The following STS variants were observed in gnomAD, a reference collection of about 807,000 sequenced individuals.
The protein encoded by STS is steryl-sulfatase.
In STS, 7 loss-of-function variants were observed where a neutral mutation model predicts 26.8. The observed-to-expected ratio is 0.26, with a 90% CI of 0.15 to 0.49. The LOEUF is 0.49. Ranked by LOEUF, STS falls within the 20% of genes least tolerant of loss-of-function variation. The pLI is 0.98. For synonymous variants in STS, 199 were observed against 189.4 expected (o/e 1.05, Z -0.42); for missense variants, 434 against 465.6 (o/e 0.93, Z 0.63).
intron 8 of STS, among the ~76,000 whole-genome samples, chrX:7,323,516 G>T (rs1484192377): frequency 9.0e-6 from 1 of 111,225 alleles, no homozygotes; most frequent in Admixed American, 9.6e-5. Context: ...TAGGATAATG[G>T]CCTCTAGCTA....
intron 2 of STS, among the ~76,000 whole-genome samples, chrX:7,231,055 T>C (rs1922037505): frequency 8.9e-6 from 1 of 111,947 alleles, no homozygotes; most frequent in African/African-American, 3.3e-5. Flanking sequence ...TGAATGCTCA[T>C]AGTGGCATTA....
chrX:7,350,611 A>AG lies in STS; in HGVS notation c.*352dup, dbSNP rs1456201395. On this transcript the variant is annotated 3_prime_UTR_variant, in exon 11 of 11. Coordinates refer to ENST00000674429, the MANE Select transcript of STS (RefSeq NM_001320752.2). ...CAATCTTAAAACAGAAAGGTGCAGG[A>AG]GGTACCTTAACTCACCCCTCAGCAA... The AG allele has an allele frequency of 4.1e-6, 1 of 241,125 alleles. No homozygotes were observed. The highest frequency in any genetic ancestry group is 7.9e-5 in the East Asian group (1 of 12,686). 19.9% of individuals were successfully genotyped at this position (241,125 alleles called of 1,213,427 possible). A position where few individuals can be genotyped will look rare whatever the true frequency, so the allele number is the denominator to read the frequency against.
chrX:7,173,117 G>A (rs1933499215), intron 1 of STS, among the ~76,000 whole-genome samples: 1 of 110,579 alleles, frequency 9.0e-6, no homozygotes, highest in Admixed American at 9.7e-5. Context: ...AGGCCCCAGT[G>A]TGTGTTGTTT....
At chrX:7,296,605 A>T (rs1196667899) in intron 7 of STS, among the ~76,000 whole-genome samples, 4 of 112,191 alleles carry the variant, frequency 3.6e-5, no homozygotes, top group African/African-American at 1.3e-4. Flanking sequence ...AGGTACAATG[A>T]CTTTGTTCTT....
chrX:7,349,918 C>G lies in STS; in HGVS notation c.1394C>G (p.Thr465Ser). ...STSIWKAFFFTPNFNPVGSNG... is the reference protein window; with the variant it reads ...STSIWKAFFFSPNFNPVGSNG... ...TCCATCTGGAAGGCCTTTTTCTTCA[C>G]CCCCAACTTCAACCCCGTGGGTTCC... Residue 465 changes from threonine to serine, a missense_variant, in exon 11 of 11, where the codon ACC (threonine) becomes AGC (serine). Coordinates refer to ENST00000674429, the MANE Select transcript of STS (RefSeq NM_001320752.2). 1 of 1,211,850 alleles carries G rather than the reference C, an allele frequency of 8.3e-7. No homozygotes were observed. The highest frequency in any genetic ancestry group is 1.1e-6 in the Non-Finnish European group (1 of 895,458).
At chrX:7,192,029 A>G (rs189477045) in intron 2 of STS, among the ~76,000 whole-genome samples, 1 of 112,590 alleles carries the variant, frequency 8.9e-6, no homozygotes, top group East Asian at 2.8e-4. Context: ...GCACTATGCT[A>G]TCAGAACACC....
At chrX:7,239,819 G>A (rs1922502666) in intron 2 of STS, among the ~76,000 whole-genome samples, 2 of 108,189 alleles carry the variant, frequency 1.8e-5, no homozygotes, top group South Asian at 7.9e-4. Context: ...TTGTAGGAAA[G>A]AAAAAGCAAA....
At chrX:7,205,026 CTGTTGCCTGT>C (rs1206887900) in intron 2 of STS, among the ~76,000 whole-genome samples, 15 of 112,013 alleles carry the variant, frequency 1.3e-4, no homozygotes, top group Non-Finnish European at 2.4e-4. Context: ...CCAGGTGCTT[CTGTTGCCTGT>C]TGTTGTACAC....
chrX:7,307,030 A>G (rs960375565), intron 8 of STS, among the ~76,000 whole-genome samples: 1 of 111,226 alleles, frequency 9.0e-6, no homozygotes, highest in Middle Eastern at 4.6e-3. Flanking sequence ...CTGAGCACCC[A>G]TGGGCAGGAA....
chrX:7,220,169 A>G (rs2147048692), intron 2 of STS, among the ~76,000 whole-genome samples: 1 of 111,661 alleles, frequency 9.0e-6, no homozygotes, highest in South Asian at 3.8e-4. Flanking sequence ...TATGTATCTC[A>G]GATGACGAGT....
intron 2 of STS, among the ~76,000 whole-genome samples, chrX:7,215,646 G>A (rs1413806499): frequency 1.8e-5 from 2 of 111,315 alleles, no homozygotes; most frequent in African/African-American, 6.5e-5. Context: ...CTTTTCTGTT[G>A]TCCTGGTTGT....
At chrX:7,333,088 C>G (rs1187120362) in intron 9 of STS, among the ~76,000 whole-genome samples, 1 of 112,095 alleles carries the variant, frequency 8.9e-6, no homozygotes, top group African/African-American at 3.2e-5. Flanking sequence ...CGCCAAACTT[C>G]CAGTTTCTAA....
chrX:7,274,542 A>ATGGG (rs1924437444), intron 6 of STS, among the ~76,000 whole-genome samples: 1 of 112,259 alleles, frequency 8.9e-6, no homozygotes. Flanking sequence ...GGGCAACCCG[A>ATGGG]TGTGAAGAAG....
At chrX:7,344,346 A>G (rs1233524010) in intron 10 of STS, among the ~76,000 whole-genome samples, 1 of 111,623 alleles carries the variant, frequency 9.0e-6, no homozygotes, top group Non-Finnish European at 1.9e-5. Context: ...CCTACCAGGT[A>G]TCAGTAGCAA....
intron 2 of STS, among the ~76,000 whole-genome samples, chrX:7,194,637 G>A (rs765693327): frequency 3.6e-5 from 4 of 111,538 alleles, no homozygotes; most frequent in Admixed American, 9.6e-5. Context: ...AAATCCTCCC[G>A]TAGTTGACCT....
At chrX:7,172,633 C>CA (rs1357503966) in intron 1 of STS, among the ~76,000 whole-genome samples, 1 of 111,087 alleles carries the variant, frequency 9.0e-6, no homozygotes, top group Non-Finnish European at 1.9e-5. Context: ...ACAGTTGTAC[C>CA]AAAAAAAGAG....
intron 2 of STS, among the ~76,000 whole-genome samples, chrX:7,191,362 T>G (rs1434525776): frequency 8.9e-6 from 1 of 112,127 alleles, no homozygotes; most frequent in African/African-American, 3.2e-5. Flanking sequence ...TACAAATGAT[T>G]TAATGCATCC....
At chrX:7,166,956 G>A (rs753220332) in intron 1 of STS, among the ~76,000 whole-genome samples, 60 of 111,816 alleles carry the variant, frequency 5.4e-4, no homozygotes, top group South Asian at 1.5e-3. Context: ...ACTATTTTAT[G>A]TATATTTGGG....
At chrX:7,149,509 G>A (rs1332181852) in intron 1 of STS, among the ~76,000 whole-genome samples, 6 of 111,994 alleles carry the variant, frequency 5.4e-5, no homozygotes, top group Non-Finnish European at 1.9e-5. Context: ...TAATGCAATC[G>A]TGATTTCCCT....
Sources: allele counts gnomAD v4.1 joint callset (sites outside exome capture counted in the v4.1 genomes callset), GRCh38; gene constraint gnomAD v4.1.1; transcripts MANE v1.5; gene names NCBI Gene and HGNC (gene_info 2026-07-23, HGNC 2026-07-21).